SEM1: variants seen among roughly 807,000 people sequenced by gnomAD.
SEM1 encodes 26S proteasome complex subunit SEM1.
A neutral mutation model predicts 12.7 loss-of-function variants in SEM1; 3 were observed. That is an observed-to-expected ratio of 0.24 (90% CI 0.11 to 0.61). The LOEUF (loss-of-function observed/expected upper bound fraction) is 0.61, where lower values mean the gene tolerates loss of function less well. SEM1 is among the 20% of genes least tolerant of loss of function. SEM1 has a pLI of 0.88. For synonymous variants in SEM1, 30 were observed against 27.8 expected (o/e 1.08, Z -0.25); for missense variants, 59 against 81.3 (o/e 0.73, Z 1.06).
intron 1 of SEM1, among the ~76,000 whole-genome samples, chr7:96,495,025 A>G (rs1311866712): frequency 7.8e-6 from 1 of 127,720 alleles, no homozygotes; most frequent in East Asian, 2.4e-4. Flanking sequence ...TGAGAGCTAC[A>G]AAAACTCAGA....
At chr7:96,510,423 C>T (rs1450461900) in intron 2 of SEM1, among the ~76,000 whole-genome samples, 1 of 152,058 alleles carries the variant, frequency 6.6e-6, no homozygotes, top group African/African-American at 2.4e-5. Context: ...ACACTATAGG[C>T]AATTGTAACA....
intron 3 of SEM1, among the ~76,000 whole-genome samples, chr7:96,504,879 GAC>G (rs1292885828): frequency 6.6e-6 from 1 of 151,628 alleles, no homozygotes; most frequent in Non-Finnish European, 1.5e-5. Context: ...ACTTGTTGAA[GAC>G]ACAAGGTTGT....
upstream of SEM1, among the ~76,000 whole-genome samples, chr7:96,499,346 A>C (rs927195312): frequency 3.3e-5 from 5 of 152,198 alleles, no homozygotes. Context: ...ATAAGTCATT[A>C]ATAAAATTGA....
At chr7:96,524,897 T>C (rs1804399974) in intron 2 of SEM1, among the ~76,000 whole-genome samples, 1 of 152,176 alleles carries the variant, frequency 6.6e-6, no homozygotes, top group African/African-American at 2.4e-5. Context: ...AAAGTTTTCA[T>C]TAACTGAATG....
At chr7:96,535,359 T>C (rs1398435221) in intron 2 of SEM1, among the ~76,000 whole-genome samples, 1 of 151,990 alleles carries the variant, frequency 6.6e-6, no homozygotes, top group East Asian at 1.9e-4. Flanking sequence ...TGTGTTTTTT[T>C]CTTTTCGAAT....
At chr7:96,574,826 T>G (rs1037582224) in intron 2 of SEM1, among the ~76,000 whole-genome samples, 6 of 152,234 alleles carry the variant, frequency 3.9e-5, no homozygotes, top group Non-Finnish European at 1.5e-5. Flanking sequence ...TCATTTATAG[T>G]GTTCTCTAAA....
chr7:96,680,441 G>A (rs1425701811), intron 2 of SEM1, among the ~76,000 whole-genome samples: 2 of 152,038 alleles, frequency 1.3e-5, no homozygotes, highest in African/African-American at 2.4e-5. Context: ...TAACTAAGAG[G>A]AGAAATACAC....
chr7:96,500,210 G>A (rs1056469796), upstream of SEM1, among the ~76,000 whole-genome samples: 1 of 151,302 alleles, frequency 6.6e-6, no homozygotes, highest in Admixed American at 6.6e-5. Context: ...ACACACCCAG[G>A]GCAGTCTTGA....
intron 2 of SEM1, among the ~76,000 whole-genome samples, chr7:96,568,266 G>T (rs563940875): frequency 6.6e-6 from 1 of 151,704 alleles, no homozygotes; most frequent in South Asian, 2.1e-4. Flanking sequence ...AAATCCATAT[G>T]CATGAAGATA....
intron 1 of SEM1, among the ~76,000 whole-genome samples, chr7:96,487,517 A>G (rs1415780447): frequency 6.7e-6 from 1 of 149,904 alleles, no homozygotes; most frequent in Non-Finnish European, 1.5e-5. Context: ...GCCTCACTCT[A>G]GTGCCAACCC....
intron 2 of SEM1, among the ~76,000 whole-genome samples, chr7:96,608,386 T>C (rs1193970333): frequency 6.6e-6 from 1 of 152,216 alleles, no homozygotes; most frequent in African/African-American, 2.4e-5. Context: ...TTTTTTTCTT[T>C]TTAAGAATGA....
At chr7:96,686,589 G>C (rs1789765720), downstream of SEM1, among the ~76,000 whole-genome samples, 1 of 152,066 alleles carries the variant, frequency 6.6e-6, no homozygotes, top group South Asian at 2.1e-4. Context: ...AGCTGCCTGT[G>C]CTTCATTATA....
At chr7:96,573,386 T>C (rs1438092604) in intron 2 of SEM1, among the ~76,000 whole-genome samples, 1 of 151,498 alleles carries the variant, frequency 6.6e-6, no homozygotes, top group African/African-American at 2.4e-5. Context: ...AGTGGTGATG[T>C]TTTTGCAGTG....
In SEM1 at chr7:96,574,056, G is replaced by A. The variant is rs183340624; in HGVS notation, c.171-67358C>T. On this transcript the variant is annotated intron_variant and NMD_transcript_variant, in intron 2 of 3. Coordinates refer to the SEM1 transcript ENST00000466986. ...ACCCGTTAACTCATCATTTACATTA[G>A]GTATATCTCCTAATGATATCCCTCC... 2.0e-3 allele frequency among the ~76,000 whole-genome samples: 304 copies of A among 152,028 alleles called. 1 individual carries two copies. The highest frequency in any genetic ancestry group is 7.2e-3 in the African/African-American group (300 of 41,452).
chr7:96,550,799 C>A (rs1805245198), intron 2 of SEM1, among the ~76,000 whole-genome samples: 1 of 152,056 alleles, frequency 6.6e-6, no homozygotes. Flanking sequence ...AGGAGTGTGA[C>A]ACACGGGAAA....
upstream of SEM1, among the ~76,000 whole-genome samples, chr7:96,501,077 GAC>G (rs1554407078): frequency 5.3e-5 from 8 of 152,060 alleles, no homozygotes. Context: ...TCAATATCGT[GAC>G]AAGTTGGAAT....
intron 2 of SEM1, among the ~76,000 whole-genome samples, chr7:96,523,122 C>T (rs1383983033): frequency 6.6e-6 from 1 of 152,086 alleles, no homozygotes; most frequent in Non-Finnish European, 1.5e-5. Context: ...GAGGGCAGAG[C>T]TATGTGATGT....
In SEM1 at chr7:96,572,552, T is replaced by C. The variant is rs1806071102; in HGVS notation, c.171-65854A>G. On this transcript the variant is annotated intron_variant and NMD_transcript_variant, in intron 2 of 3. Coordinates refer to the SEM1 transcript ENST00000466986. ...CATTTCATTATTTACCCAGTAGTCA[T>C]TCAGGAGCAGGTTGTTCAGTTTTCA... 2.6e-5 allele frequency among the ~76,000 whole-genome samples: 4 copies of C among 152,316 alleles called. No individual in the cohort carries two copies. The South Asian group carries it at 8.3e-4, about 32-fold the overall frequency.
At chr7:96,515,965 T>C (rs1804082862) in intron 2 of SEM1, among the ~76,000 whole-genome samples, 1 of 152,048 alleles carries the variant, frequency 6.6e-6, no homozygotes, top group Non-Finnish European at 1.5e-5. Context: ...ACATGGCACA[T>C]GTATACCTAT....
Sources: allele counts gnomAD v4.1 joint callset (sites outside exome capture counted in the v4.1 genomes callset), GRCh38; gene constraint gnomAD v4.1.1; transcripts MANE v1.5; gene names NCBI Gene and HGNC (gene_info 2026-07-23, HGNC 2026-07-21).